Variants in CFAP97 observed in about 807,000 individuals in gnomAD.
CFAP97 encodes the protein cilia- and flagella-associated protein 97.
In CFAP97, 36 loss-of-function variants were observed where a neutral mutation model predicts 43.1. The observed-to-expected ratio is 0.84, with a 90% CI of 0.64 to 1.10. CFAP97 has a LOEUF of 1.10. Ranked by LOEUF, CFAP97 falls within the 50% of genes least tolerant of loss-of-function variation. CFAP97 has a pLI of 0.00. For synonymous variants in CFAP97, 228 were observed against 225.7 expected, an observed-to-expected ratio of 1.01 and a Z score of -0.09; for missense variants, 657 against 620.3, an observed-to-expected ratio of 1.06 and a Z score of -0.63.
upstream of CFAP97, chr4:185,209,720 G>C (rs1737438374): frequency 3.0e-6 from 3 of 984,054 alleles, no homozygotes; most frequent in Non-Finnish European, 3.6e-6. The surrounding 1 kb of genome is among the most constrained non-coding windows in gnomAD (Gnocchi z 5.2). Flanking sequence ...CCGCTCCCTC[G>C]GTGGGCCGCG....
upstream of CFAP97, chr4:185,209,620 C>G (rs1203225779): frequency 1.9e-6 from 1 of 536,910 alleles, no homozygotes; most frequent in Non-Finnish European, 2.4e-6. The surrounding 1 kb of genome is among the most constrained non-coding windows in gnomAD (Gnocchi z 5.2). Context: ...GTGGGGCTCC[C>G]TGGCTGCGCC....
At chr4:185,180,971 C>T (rs1222234442) in intron 2 of CFAP97, among the ~76,000 whole-genome samples, 1 of 152,064 alleles carries the variant, frequency 6.6e-6, no homozygotes, top group Non-Finnish European at 1.5e-5. Context: ...ATTAATTCCT[C>T]TAAAAATAAT....
At chr4:185,200,345 A>G (rs907332129) in intron 1 of CFAP97, among the ~76,000 whole-genome samples, 10 of 152,242 alleles carry the variant, frequency 6.6e-5, no homozygotes, top group Admixed American at 5.2e-4. Flanking sequence ...AGAAAAAACT[A>G]AACTACAAAA....
At chr4:185,198,922 A>G (rs1205199246) in intron 1 of CFAP97, among the ~76,000 whole-genome samples, 3 of 152,362 alleles carry the variant, frequency 2.0e-5, no homozygotes, top group East Asian at 3.9e-4. Flanking sequence ...ACAGCCTTCC[A>G]TTGGAAAAGG....
At chr4:185,165,901 G>C (rs1206479208) in intron 3 of CFAP97, among the ~76,000 whole-genome samples, 1 of 152,100 alleles carries the variant, frequency 6.6e-6, no homozygotes, top group Non-Finnish European at 1.5e-5. Flanking sequence ...GGAAGAATAA[G>C]CCAAGATATC....
Position 185,190,143 on chromosome 4 carries a change from C to T in CFAP97, c.1054G>A (p.Ala352Thr). The change falls in exon 2 of 5, where the codon GCT (alanine) becomes ACT (threonine). Residue 352 changes from alanine to threonine, a missense_variant and splice_region_variant. By Grantham distance (58) the Ala-to-Thr change is moderately conservative. Transcript: ENST00000458385. Reference sequence around the variant, plus strand: ...ATTTTTAAGAAGAAAAGAAAATTACCTTTCAAGAGATGATTCAGATCCATT... The same window carrying T: ...ATTTTTAAGAAGAAAAGAAAATTACTTTTCAAGAGATGATTCAGATCCATT... ...DTMDLNHLLK[A>T]FLQLDKKGPQ... 6.5e-7 allele frequency: 1 copy of T among 1,538,524 alleles called. No homozygotes were observed.
chr4:185,173,547 A>G (rs1473729415), intron 3 of CFAP97, among the ~76,000 whole-genome samples: 1 of 152,224 alleles, frequency 6.6e-6, no homozygotes, highest in Non-Finnish European at 1.5e-5. Flanking sequence ...ACAATGGAAT[A>G]GTATTCAGCC....
chr4:185,191,254 A>G, intron 1 of CFAP97, 42 bp from the exon 2 acceptor site: 1 of 1,320,582 alleles, frequency 7.6e-7, no homozygotes, highest in East Asian at 2.5e-5. Flanking sequence ...AGTGATTTCC[A>G]AATACTTTCC....
intron 2 of CFAP97, among the ~76,000 whole-genome samples, chr4:185,178,178 C>T (rs948142416): frequency 6.6e-6 from 1 of 151,088 alleles, no homozygotes; most frequent in South Asian, 2.1e-4. Context: ...AGATTATAAG[C>T]CCTTTAAAAT....
chr4:185,208,132 G>A (rs1229216425), upstream of CFAP97, among the ~76,000 whole-genome samples: 1 of 151,920 alleles, frequency 6.6e-6, no homozygotes, highest in Admixed American at 6.6e-5. Flanking sequence ...TTTTTGAGAC[G>A]AAGTCTCACT....
intron 2 of CFAP97, among the ~76,000 whole-genome samples, chr4:185,189,501 G>A (rs1212852088): frequency 1.3e-5 from 2 of 152,080 alleles, no homozygotes; most frequent in Admixed American, 6.5e-5. Flanking sequence ...CTTTGAAGTT[G>A]CTTTTATTTG....
In CFAP97 at chr4:185,190,477, TTTTG is replaced by T; in HGVS notation, c.716_719del (p.Pro239HisfsTer13). On this transcript the variant is annotated frameshift_variant, in exon 2 of 5. Transcript: ENST00000458385. LOFTEE classifies it high-confidence loss of function. ...CAGACTCCTCAGGGTAGTGGCCACA[TTTTG>T]GTGTAGTACTTGAAGGCTGTGTTTC... is the stretch of plus-strand genomic sequence containing the variant. The T allele has an allele frequency of 6.2e-7, 1 of 1,613,944 alleles. No homozygotes were observed. The highest frequency in any genetic ancestry group is 8.5e-7 in the Non-Finnish European group (1 of 1,179,860).
upstream of CFAP97, chr4:185,210,080 C>T: frequency 7.1e-6 from 7 of 984,162 alleles, no homozygotes; most frequent in Non-Finnish European, 8.4e-6. The surrounding 1 kb of genome is among the most constrained non-coding windows in gnomAD (Gnocchi z 4.4). Flanking sequence ...GCGGGGGCCG[C>T]GGGGCTGAGC....
At chr4:185,189,685 C>G (rs187169440) in intron 2 of CFAP97, among the ~76,000 whole-genome samples, 72 of 152,316 alleles carry the variant, frequency 4.7e-4, no homozygotes, top group Non-Finnish European at 8.7e-4. Flanking sequence ...ACTTAAAAGT[C>G]TGAAGAGTCC....
At chr4:185,197,100 A>AC in intron 1 of CFAP97, among the ~76,000 whole-genome samples, 1 of 96,070 alleles carries the variant, frequency 1.0e-5, no homozygotes, top group African/African-American at 4.4e-5. Flanking sequence ...CTCCCTCTTA[A>AC]TTAAAAAAAA....
chr4:185,197,069 A>T (rs1200692371), intron 1 of CFAP97, among the ~76,000 whole-genome samples: 2 of 146,740 alleles, frequency 1.4e-5, no homozygotes, highest in Non-Finnish European at 3.0e-5. Flanking sequence ...ACTGCACTCC[A>T]TCCTGGGCAA....
chr4:185,208,066 T>G (rs147943393), upstream of CFAP97, among the ~76,000 whole-genome samples: 4 of 152,302 alleles, frequency 2.6e-5, no homozygotes, highest in East Asian at 7.7e-4. Flanking sequence ...ACAACTATTT[T>G]AGAGGCAAAA....
chr4:185,188,087 G>A (rs1045566273), intron 2 of CFAP97, among the ~76,000 whole-genome samples: 22 of 151,856 alleles, frequency 1.4e-4, no homozygotes, highest in African/African-American at 5.3e-4. Context: ...AGTAGAGATG[G>A]GGTTTCACCA....
At chr4:185,184,811 A>ACAATTCTAAG (rs1455382329) in intron 2 of CFAP97, among the ~76,000 whole-genome samples, 1 of 152,220 alleles carries the variant, frequency 6.6e-6, no homozygotes, top group African/African-American at 2.4e-5. Context: ...TAAAAACTTG[A>ACAATTCTAAG]CAATTCTAAG....
Sources: gnomAD v4.1 joint callset for allele counts (sites outside exome capture counted in the v4.1 genomes callset) on GRCh38, gnomAD v4.1.1 for gene constraint, Gnocchi (gnomAD v3.1) non-coding constraint, MANE v1.5 for transcripts, NCBI Gene and HGNC (gene_info 2026-07-23, HGNC 2026-07-21) for gene names.